Variants in PXDN observed in about 807,000 individuals in gnomAD.
The protein encoded by PXDN is peroxidasin, also known as peroxidasin homolog.
PXDN carries 77 observed loss-of-function variants against 140.3 expected under a neutral mutation model. That is an observed-to-expected ratio of 0.55 (90% CI 0.46 to 0.66). The LOEUF (loss-of-function observed/expected upper bound fraction) is 0.66, where lower values mean the gene tolerates loss of function less well. PXDN is among the 30% of genes least tolerant of loss of function. PXDN has a pLI of 0.00. For missense variants in PXDN, 1,838 were observed against 2,039.5 expected (o/e 0.90, Z 1.90); for synonymous variants, 911 against 857.4 (o/e 1.06, Z -1.09).
At chr2:1,692,043 C>A in intron 2 of PXDN, 44 bp from the exon 3 acceptor site, 2 of 1,364,712 alleles carry the variant, frequency 1.5e-6, no homozygotes, top group Non-Finnish European at 2.0e-6. Flanking sequence ...CAACAGAAAA[C>A]AAACTTCGAA....
chr2:1,718,923 T>G (rs1263844922), intron 1 of PXDN, among the ~76,000 whole-genome samples: 1 of 152,094 alleles, frequency 6.6e-6, no homozygotes. Context: ...CAAAGAGGGG[T>G]TCTTATGGCC....
At chr2:1,709,192 G>A (rs1203217107) in intron 1 of PXDN, among the ~76,000 whole-genome samples, 1 of 152,214 alleles carries the variant, frequency 6.6e-6, no homozygotes, top group Non-Finnish European at 1.5e-5. Flanking sequence ...CATGGGCAAT[G>A]CTGACCACAG....
intron 1 of PXDN, among the ~76,000 whole-genome samples, chr2:1,732,250 A>T (rs566430002): frequency 6.6e-6 from 1 of 152,198 alleles, no homozygotes; most frequent in Non-Finnish European, 1.5e-5. Context: ...GAGGCCAGGC[A>T]GCAGACCTGG....
At chr2:1,741,328 C>G (rs895764172) in intron 1 of PXDN, among the ~76,000 whole-genome samples, 1 of 152,120 alleles carries the variant, frequency 6.6e-6, no homozygotes, top group Non-Finnish European at 1.5e-5. Flanking sequence ...TATTCAAAAA[C>G]CAACCATTTC....
At chr2:1,701,605 TG>T (rs1364497307) in intron 1 of PXDN, among the ~76,000 whole-genome samples, 1 of 149,546 alleles carries the variant, frequency 6.7e-6, no homozygotes, top group Non-Finnish European at 1.5e-5. Flanking sequence ...AGGTGGGAGG[TG>T]CGGAATGGGG....
At chr2:1,709,041 T>C (rs1684688804) in intron 1 of PXDN, among the ~76,000 whole-genome samples, 1 of 152,164 alleles carries the variant, frequency 6.6e-6, no homozygotes, top group Non-Finnish European at 1.5e-5. Context: ...GGGAGGGAGC[T>C]GGTGGCCGGT....
intron 4 of PXDN, among the ~76,000 whole-genome samples, chr2:1,686,014 C>T (rs1172299723): frequency 6.6e-6 from 1 of 152,168 alleles, no homozygotes; most frequent in Non-Finnish European, 1.5e-5. Context: ...TCCGGGCTCC[C>T]GGGCATTCCT....
intron 1 of PXDN, among the ~76,000 whole-genome samples, chr2:1,715,810 C>A (rs1188297092): frequency 6.6e-6 from 1 of 152,214 alleles, no homozygotes; most frequent in Non-Finnish European, 1.5e-5. Flanking sequence ...GAATATCTTC[C>A]ATACTCAGGG....
intron 6 of PXDN, among the ~76,000 whole-genome samples, chr2:1,682,327 T>A (rs1683925708): frequency 6.6e-6 from 1 of 152,190 alleles, no homozygotes; most frequent in South Asian, 2.1e-4. Context: ...TTAGTTTGGC[T>A]TGTGGTATTT....
rs542358945 is a variant in PXDN at position 1,744,461 on chromosome 2, A to G, written c.-6T>C. ...CCCCTGGAGCGCTTGGCCATGGCCG[A>G]CGGCGCGGACGGACGCTCGGACGCA... On this transcript the variant is annotated 5_prime_UTR_variant, in exon 1 of 23. Coordinates refer to ENST00000252804, the MANE Select transcript of PXDN (RefSeq NM_012293.3). 12 of 1,449,168 alleles carry G rather than the reference A, an allele frequency of 8.3e-6. No homozygotes were observed. In the African/African-American group the frequency reaches 1.8e-4, roughly 22 times the overall value. 89.8% of individuals were successfully genotyped at this position (1,449,168 alleles called of 1,614,324 possible). A position where few individuals can be genotyped will look rare whatever the true frequency, so the allele number is the denominator to read the frequency against.
chr2:1,709,028 C>T (rs1180578205), intron 1 of PXDN, among the ~76,000 whole-genome samples: 2 of 152,144 alleles, frequency 1.3e-5, no homozygotes, highest in Non-Finnish European at 2.9e-5. Context: ...GCCAGTTCAC[C>T]GCGGGAGGGA....
At chr2:1,672,043 G>C (rs928311376) in intron 9 of PXDN, 4 of 152,168 alleles carry the variant, frequency 2.6e-5, no homozygotes, top group African/African-American at 7.2e-5. Flanking sequence ...ATAGACCTTA[G>C]GAAAAACAGG....
At chr2:1,684,524 T>G (rs896679151) in intron 4 of PXDN, among the ~76,000 whole-genome samples, 1 of 152,216 alleles carries the variant, frequency 6.6e-6, no homozygotes, top group African/African-American at 2.4e-5. Flanking sequence ...CATACATAAA[T>G]AGGTGAATAC....
rs544217439 is a variant in PXDN, at chr2:1,648,068, C to T, written c.3608+104G>A. 19 of 1,449,654 alleles carry T rather than the reference C, an allele frequency of 1.3e-5. No individual in the cohort carries two copies. In the South Asian group the frequency reaches 2.3e-4, roughly 17 times the overall value. 89.8% of individuals were successfully genotyped at this position (1,449,654 alleles called of 1,614,324 possible). The stretch of plus-strand genomic sequence containing the variant: ...TGACCTTCATCTCACCTCTGCACGA[C>T]ACGAACAAAACTCACACACAGAGAC... On this transcript the variant is annotated intron_variant, in intron 17 of 22. Transcript: ENST00000252804. This position sits in a 1 kb window ranked among gnomAD's most constrained non-coding sequence, Gnocchi z 8.9.
intron 19 of PXDN, 48 bp downstream of exon 19, chr2:1,643,320 C>T (rs1682770295): frequency 2.5e-6 from 4 of 1,587,106 alleles, no homozygotes; most frequent in Non-Finnish European, 1.7e-6. Context: ...AAGCAGTCAC[C>T]AAAACCAGGG....
At position 1,675,381 on chromosome 2, in the gene PXDN, G is replaced by A. The variant is rs114036947; in HGVS notation, c.848+1546C>T. On this transcript the variant is annotated intron_variant, in intron 8 of 22. Coordinates refer to ENST00000252804, the MANE Select transcript of PXDN (RefSeq NM_012293.3). ...ATTTTTTCGTATATAAAATGTAGGT[G>A]TGATGGACTGGGGCCAAATTTATGC... Among the ~76,000 whole-genome samples, 883 of 152,308 alleles carry A rather than the reference G, an allele frequency of 5.8e-3. 6 individuals carry two copies. The highest frequency in any genetic ancestry group is 0.019 in the African/African-American group (777 of 41,572).
chr2:1,702,031 G>C (rs1684447601), intron 1 of PXDN, among the ~76,000 whole-genome samples: 1 of 152,158 alleles, frequency 6.6e-6, no homozygotes, highest in African/African-American at 2.4e-5. Context: ...TGGCTCCTCA[G>C]AGACGCCTGA....
chr2:1,712,438 TAGAG>T, intron 1 of PXDN, among the ~76,000 whole-genome samples: 1 of 152,306 alleles, frequency 6.6e-6, no homozygotes. Context: ...AATCAGCCTA[TAGAG>T]AGACTGTGGA....
At chr2:1,675,535 G>A (rs1363364586) in intron 8 of PXDN, among the ~76,000 whole-genome samples, 1 of 152,092 alleles carries the variant, frequency 6.6e-6, no homozygotes, top group African/African-American at 2.4e-5. Flanking sequence ...CACCTTACAG[G>A]CTCCTTGTCC....
Sources: gnomAD v4.1 joint callset for allele counts (sites outside exome capture counted in the v4.1 genomes callset) on GRCh38, gnomAD v4.1.1 for gene constraint, Gnocchi (gnomAD v3.1) non-coding constraint, MANE v1.5 for transcripts, NCBI Gene and HGNC (gene_info 2026-07-23, HGNC 2026-07-21) for gene names.